Variants in SIL1 observed in about 807,000 individuals in gnomAD.
SIL1 encodes the protein SIL1 nucleotide exchange factor.
SIL1 carries 40 observed loss-of-function variants against 49.1 expected under a neutral mutation model. The observed-to-expected ratio is 0.81, with a 90% CI of 0.63 to 1.06. The LOEUF is 1.06. Ranked by LOEUF, SIL1 falls within the 50% of genes least tolerant of loss-of-function variation. The probability of loss-of-function intolerance (pLI) is 0.00; values close to 1 mark genes in which losing one functional copy is unlikely to be tolerated. For missense variants in SIL1, 500 were observed against 572.6 expected (o/e 0.87, Z 1.29); for synonymous variants, 253 against 250.8 (o/e 1.01, Z -0.08).
rs75982720 is a variant in SIL1, at chr5:139,052,772, T to A, written c.245-1726A>T. 2.5e-3 allele frequency among the ~76,000 whole-genome samples: 370 copies of A among 150,098 alleles called. 10 individuals are homozygous for A. The East Asian group carries it at 0.062, about 25-fold the overall frequency. On this transcript the variant is annotated intron_variant, in intron 3 of 9. Coordinates refer to ENST00000394817, the MANE Select transcript of SIL1 (RefSeq NM_022464.5). ...GGGGTCAAATGAAGAAAAAAGCGAG[T>A]CCCAGACTAGGAATAAAGGGAATAC...
chr5:138,962,711 G>A (rs184047842), intron 7 of SIL1, among the ~76,000 whole-genome samples: 2 of 152,340 alleles, frequency 1.3e-5, no homozygotes, highest in Admixed American at 1.3e-4. Flanking sequence ...GGGGGACAAA[G>A]AAGACCTCCC....
At chr5:139,147,531 C>A (rs1431867015) in intron 1 of SIL1, among the ~76,000 whole-genome samples, 1 of 152,152 alleles carries the variant, frequency 6.6e-6, no homozygotes, top group East Asian at 1.9e-4. Context: ...TAGCAAGAGC[C>A]CATCCCATTA....
chr5:139,072,154 T>G (rs1275534744), intron 3 of SIL1, among the ~76,000 whole-genome samples: 1 of 152,198 alleles, frequency 6.6e-6, no homozygotes, highest in Non-Finnish European at 1.5e-5. Context: ...AACCAATCAT[T>G]TGGTATCTTT....
At chr5:139,194,613 T>C (rs1476269465) in intron 1 of SIL1, among the ~76,000 whole-genome samples, 3 of 152,132 alleles carry the variant, frequency 2.0e-5, no homozygotes, top group Non-Finnish European at 2.9e-5. Flanking sequence ...GGTCTCCAAA[T>C]TGACACCAAA....
chr5:139,178,625 A>G (rs1281277549), intron 1 of SIL1, among the ~76,000 whole-genome samples: 1 of 152,038 alleles, frequency 6.6e-6, no homozygotes, highest in African/African-American at 2.4e-5. Flanking sequence ...CTTGGTAAAT[A>G]CTTGTTTGGT....
At chr5:139,101,253 A>G (rs1770581452) in intron 3 of SIL1, among the ~76,000 whole-genome samples, 1 of 152,072 alleles carries the variant, frequency 6.6e-6, no homozygotes, top group South Asian at 2.1e-4. Context: ...TAAGACAGTC[A>G]TTACTGCCAC....
intron 1 of SIL1, among the ~76,000 whole-genome samples, chr5:139,153,654 T>C (rs1195819473): frequency 2.0e-5 from 3 of 152,178 alleles, no homozygotes; most frequent in African/African-American, 7.2e-5. Flanking sequence ...AGCACGTTCA[T>C]CAGCTATCTG....
chr5:139,098,814 T>C (rs1770524501), intron 3 of SIL1, among the ~76,000 whole-genome samples: 2 of 97,646 alleles, frequency 2.0e-5, no homozygotes, highest in Admixed American at 9.2e-5. Context: ...TTACTCTTTT[T>C]TTTTTTTTTT....
intron 3 of SIL1, among the ~76,000 whole-genome samples, chr5:139,117,007 T>A (rs1771004958): frequency 2.0e-5 from 3 of 151,944 alleles, no homozygotes; most frequent in Admixed American, 6.5e-5. Flanking sequence ...GCAGATGGAG[T>A]TGGAGATTCA....
intron 5 of SIL1, among the ~76,000 whole-genome samples, chr5:139,042,185 G>C (rs1034762087): frequency 1.4e-4 from 21 of 152,198 alleles, no homozygotes; most frequent in African/African-American, 4.8e-4. Flanking sequence ...CATGTTCAAA[G>C]GACAAGGACA....
chr5:139,177,721 G>A (rs925828763), intron 1 of SIL1, among the ~76,000 whole-genome samples: 8 of 152,180 alleles, frequency 5.3e-5, no homozygotes, highest in South Asian at 2.1e-4. Context: ...CTGGCAGCAC[G>A]TAACTCTGAC....
intron 2 of SIL1, among the ~76,000 whole-genome samples, chr5:139,126,494 C>T (rs890058470): frequency 6.6e-6 from 1 of 152,228 alleles, no homozygotes; most frequent in Non-Finnish European, 1.5e-5. Flanking sequence ...CAGCCCTGGG[C>T]CCTGAAGGTT....
intron 3 of SIL1, among the ~76,000 whole-genome samples, chr5:139,051,510 T>C (rs535788614): frequency 5.3e-5 from 8 of 152,332 alleles, no homozygotes; most frequent in Non-Finnish European, 1.0e-4. Context: ...CCAGCAAGCT[T>C]ACACCTCACC....
In SIL1 at chr5:138,985,743, G is replaced by A. The variant is rs543479440; in HGVS notation, c.768-33859C>T. Among the ~76,000 whole-genome samples the A allele has an allele frequency of 1.4e-3, 214 of 152,282 alleles. 1 individual carries two copies. Among genetic ancestry groups the A allele is most frequent in the Non-Finnish European group, 2.0e-3 (137 of 68,038 alleles). On this transcript the variant is annotated intron_variant, in intron 7 of 9. Coordinates refer to ENST00000394817, the MANE Select transcript of SIL1 (RefSeq NM_022464.5). The stretch of plus-strand genomic sequence containing the variant: ...TCCAGACTCCTGAGTTCAGGACTAG[G>A]TCAGAGTCACACTGAGTCAGGGGCC...
intron 7 of SIL1, among the ~76,000 whole-genome samples, chr5:138,954,090 T>C (rs768544865): frequency 2.8e-4 from 42 of 152,178 alleles, no homozygotes; most frequent in Admixed American, 5.9e-4. Context: ...GGTGGGCTGA[T>C]GTGGGTCGGG....
Position 139,137,205 on chromosome 5 carries a change from A to C in SIL1, c.-10-9352T>G. On this transcript the variant is annotated intron_variant, in intron 1 of 9. Coordinates refer to ENST00000394817, the MANE Select transcript of SIL1 (RefSeq NM_022464.5). The stretch of plus-strand genomic sequence containing the variant: ...TAATAATTATAGTCAACATTTATAG[A>C]GAACTTTCCATGTTGCAAGCAAAGT... 8.0e-6 allele frequency: 5 copies of C among 623,468 alleles called. No homozygotes were observed. In the South Asian group the frequency reaches 9.2e-5, roughly 11 times the overall value. 38.6% of individuals were successfully genotyped at this position (623,468 alleles called of 1,614,324 possible). A position where few individuals can be genotyped will look rare whatever the true frequency, so the allele number is the denominator to read the frequency against.
At chr5:139,159,878 CA>C (rs1369809162) in intron 1 of SIL1, among the ~76,000 whole-genome samples, 5 of 151,996 alleles carry the variant, frequency 3.3e-5, no homozygotes, top group Non-Finnish European at 7.4e-5. Flanking sequence ...GAAATCAATG[CA>C]AGTCAAAATA....
intron 4 of SIL1, among the ~76,000 whole-genome samples, chr5:139,044,201 A>G (rs985425384): frequency 8.5e-5 from 13 of 152,172 alleles, no homozygotes; most frequent in Non-Finnish European, 1.6e-4. Flanking sequence ...TAGTTATCAC[A>G]ATGCTACAAA....
chr5:139,040,987 C>T (rs1369086206), intron 5 of SIL1, among the ~76,000 whole-genome samples: 1 of 152,142 alleles, frequency 6.6e-6, no homozygotes, highest in Non-Finnish European at 1.5e-5. Context: ...GTGGGTCCTC[C>T]ATCCACAGAG....
Sources: allele counts gnomAD v4.1 joint callset (sites outside exome capture counted in the v4.1 genomes callset), GRCh38; gene constraint gnomAD v4.1.1; transcripts MANE v1.5; gene names NCBI Gene and HGNC (gene_info 2026-07-23, HGNC 2026-07-21).